The following RBBP6 variants were observed in gnomAD, a reference collection of about 807,000 sequenced individuals.
RBBP6 encodes the protein E3 ubiquitin-protein ligase RBBP6.
RBBP6 carries 25 observed loss-of-function variants against 167.7 expected under a neutral mutation model. That is an observed-to-expected ratio of 0.15 (90% CI 0.11 to 0.21). RBBP6 has a LOEUF of 0.21. RBBP6 is among the 10% of genes least tolerant of loss of function. RBBP6 has a pLI of 1.00. For synonymous variants in RBBP6, 789 were observed against 735.8 expected (o/e 1.07, Z -1.17); for missense variants, 1,868 against 2,134.2 (o/e 0.88, Z 2.46).
At position 24,567,144 on chromosome 16, in the gene RBBP6, A is replaced by G. The variant is rs756921386; in HGVS notation, c.1591A>G (p.Ser531Gly). ...IRRGERSCYR[S>G]INRGRHHSER... ...ATATCTTGGAATTTATTTTTCCAGA[A>G]GTATAAACCGTGGGCGACACCACAG... The change falls in exon 15 of 18, where the codon AGT becomes GGT. Residue 531 changes from serine (S) to glycine (G), a missense_variant and splice_region_variant. By Grantham distance (56) the Ser-to-Gly change is moderately conservative (BLOSUM62 0). Transcript: ENST00000319715. 10 of 1,609,374 alleles carry G rather than the reference A, an allele frequency of 6.2e-6. No homozygotes were observed. Among genetic ancestry groups the G allele is most frequent in the South Asian group, 2.2e-5 (2 of 90,962 alleles).
chr16:24,558,428 C>A, intron 7 of RBBP6: 1 of 947,806 alleles, frequency 1.1e-6, no homozygotes, highest in Non-Finnish European at 1.3e-6. Context: ...CAGTGGGAGA[C>A]TCCTCTTTCA....
rs1899346399 is a variant in RBBP6, at chr16:24,571,795, A to G, written c.4729A>G (p.Arg1577Gly). 6.2e-7 allele frequency: 1 copy of G among 1,614,096 alleles called. No individual in the cohort carries two copies. The highest frequency in any genetic ancestry group is 8.5e-7 in the Non-Finnish European group (1 of 1,179,968). ...KDREKHVLEARNNKESSGNKL... is the reference protein window; with the variant it reads ...KDREKHVLEAGNNKESSGNKL... ...TCGTGAGAAGCATGTATTAGAAGCA[A>G]GGAACAATAAAGAGTCAAGTGGCAA... Residue 1577 changes from arginine (R) to glycine (G), a missense_variant, in exon 18 of 18, where the codon AGG becomes GGG. By Grantham distance (125) the Arg-to-Gly change is moderately radical. Around this residue, in one of 7 missense-constraint regions of RBBP6, gnomAD observed 591 missense variants for 540.5 expected, o/e 1.09. Transcript: ENST00000319715.
At chr16:24,546,704 C>T (rs568491794) in intron 2 of RBBP6, among the ~76,000 whole-genome samples, 5 of 152,236 alleles carry the variant, frequency 3.3e-5, no homozygotes, top group Admixed American at 3.3e-4. Flanking sequence ...GGCTGAGAGG[C>T]ATAAAGTATA....
intron 7 of RBBP6, 34 bp downstream of exon 7, chr16:24,556,481 C>T (rs371209858): frequency 6.3e-7 from 1 of 1,592,004 alleles, no homozygotes; most frequent in African/African-American, 1.3e-5. Context: ...CCTGTGGAGA[C>T]TCCAGTCAGT....
At chr16:24,541,368 T>A (rs1225093845) in intron 1 of RBBP6, among the ~76,000 whole-genome samples, 1 of 152,178 alleles carries the variant, frequency 6.6e-6, no homozygotes, top group African/African-American at 2.4e-5. Flanking sequence ...GTATTGGAAT[T>A]GTTTTTGGAT....
intron 10 of RBBP6, among the ~76,000 whole-genome samples, chr16:24,562,972 A>G (rs1279594193): frequency 6.6e-6 from 1 of 151,452 alleles, no homozygotes; most frequent in East Asian, 1.9e-4. Flanking sequence ...GATTTCTGTC[A>G]TAACTGTAGT....
At chr16:24,541,205 C>CAAAAAAAAAAAAAAAAAAAAA (rs933107246) in intron 1 of RBBP6, among the ~76,000 whole-genome samples, 1 of 79,268 alleles carries the variant, frequency 1.3e-5, no homozygotes, top group African/African-American at 5.4e-5. Context: ...AAAAAAAAAC[C>CAAAAAAAAAAAAAAAAAAAAA]AAAAAAACAA....
chr16:24,569,298 A>C lies in RBBP6; in HGVS notation c.2608A>C (p.Ile870Leu). The C allele has an allele frequency of 6.2e-7, 1 of 1,612,426 alleles. No individual in the cohort carries two copies. The highest frequency in any genetic ancestry group is 1.1e-5 in the South Asian group (1 of 90,826). The part of the protein sequence containing the change: ...FSPERFLPLN[I>L]RNSPFTRGRR... Reference sequence around the variant, plus strand: ...TCCAGAGAGATTTTTGCCACTTAACATCAGGAATTCTCCCTTCACAAGAGG... The same window carrying C: ...TCCAGAGAGATTTTTGCCACTTAACCTCAGGAATTCTCCCTTCACAAGAGG... Residue 870 changes from isoleucine to leucine, a missense_variant, in exon 17 of 18, where the codon ATC becomes CTC. By Grantham distance (5) the Ile-to-Leu change is conservative. Coordinates refer to ENST00000319715, the MANE Select transcript of RBBP6 (RefSeq NM_006910.5).
chr16:24,557,599 G>T (rs899764155), intron 7 of RBBP6, among the ~76,000 whole-genome samples: 1 of 151,742 alleles, frequency 6.6e-6, no homozygotes, highest in African/African-American at 2.4e-5. Flanking sequence ...TGGTTGCTCC[G>T]CCCCCAATTT....
Position 24,563,519 on chromosome 16 carries a change from G to A in RBBP6, c.1465+18G>A. The A allele has an allele frequency of 6.2e-7, 1 of 1,611,918 alleles. No homozygotes were observed. The highest frequency in any genetic ancestry group is 8.5e-7 in the Non-Finnish European group (1 of 1,178,912). On this transcript the variant is annotated intron_variant, in intron 12 of 17. Coordinates refer to ENST00000319715, the MANE Select transcript of RBBP6 (RefSeq NM_006910.5). ...CACAACTGGTGAGTAAGATCACTTT[G>A]GTTTAGACCTTTTTCCCTTTAAAAA...
chr16:24,569,969 T>A lies in RBBP6; in HGVS notation c.3279T>A (p.Ser1093=). 1 of 1,598,810 alleles carries A rather than the reference T, an allele frequency of 6.3e-7. No homozygotes were observed. The highest frequency in any genetic ancestry group is 2.2e-5 in the East Asian group (1 of 44,790). The stretch of plus-strand genomic sequence containing the variant: ...CTGGAACCCCCAGAAAAGCTCACTC[T>A]AAATCAGCAAAAGAACACCAAGAAA... ...KITGTPRKAH[S]KSAKEHQETK... The change falls in exon 17 of 18, where the codon TCT becomes TCA. Residue 1093 remains serine (S), a synonymous_variant. Transcript: ENST00000319715.
At position 24,570,034 on chromosome 16, in the gene RBBP6, C is replaced by T; in HGVS notation, c.3344C>T (p.Ser1115Phe). 1 of 1,606,660 alleles carries T rather than the reference C, an allele frequency of 6.2e-7. No individual in the cohort carries two copies. The highest frequency in any genetic ancestry group is 8.5e-7 in the Non-Finnish European group (1 of 1,178,436). ...GAGGAAAAAGTGAAGAAGGACTATT[C>T]CAAAGATGTCAAATCAGAAAAGCTA... ...VKEEKVKKDY[S>F]KDVKSEKLTT... Residue 1115 changes from serine to phenylalanine, a missense_variant, in exon 17 of 18, where the codon TCC becomes TTC. By Grantham distance (155) the Ser-to-Phe change is radical. Around this residue, in one of 7 missense-constraint regions of RBBP6, gnomAD observed 673 missense variants for 691.5 expected, o/e 0.97. Transcript: ENST00000319715.
intron 2 of RBBP6, 24 bp from the exon 3 acceptor site, chr16:24,548,918 AATT>A: frequency 1.3e-6 from 2 of 1,571,760 alleles, no homozygotes; most frequent in Non-Finnish European, 1.7e-6. Context: ...AGCTAATGTT[AATT>A]TTTGTTTTTA....
chr16:24,555,851 T>C lies in RBBP6; in HGVS notation c.468T>C (p.Pro156=), dbSNP rs777871571. ...NYMKKPLGPP[P]PSYTCFRCGK... ...TGAAGAAACCTCTAGGTCCACCACC[T>C]CCATCTTACACGTGTTTCCGTTGTG... Residue 156 remains proline (P), a synonymous_variant, in exon 6 of 18, where the codon CCT becomes CCC. Coordinates refer to ENST00000319715, the MANE Select transcript of RBBP6 (RefSeq NM_006910.5). The C allele has an allele frequency of 1.9e-6, 3 of 1,610,862 alleles. No homozygotes were observed. The South Asian group carries it at 3.3e-5, about 18-fold the overall frequency.
chr16:24,570,691 G>A lies in RBBP6; in HGVS notation c.3810-185G>A, dbSNP rs929642867. On this transcript the variant is annotated intron_variant, in intron 17 of 17. Coordinates refer to ENST00000319715, the MANE Select transcript of RBBP6 (RefSeq NM_006910.5). ...GGTTGTAAATAGATTTTGGGGGTGA[G>A]CCACATTTGTGTTGATACAATCATA... 3.3e-5 allele frequency among the ~76,000 whole-genome samples: 5 copies of A among 152,110 alleles called. No individual in the cohort carries two copies. The East Asian group carries it at 9.6e-4, about 29-fold the overall frequency.
At chr16:24,550,003 C>T (rs985329887) in intron 3 of RBBP6, among the ~76,000 whole-genome samples, 3 of 151,946 alleles carry the variant, frequency 2.0e-5, no homozygotes, top group Non-Finnish European at 4.4e-5. Flanking sequence ...TGTTTCATAA[C>T]ACAGGTCTAT....
chr16:24,545,142 A>G (rs957765458), intron 1 of RBBP6, among the ~76,000 whole-genome samples: 13 of 152,078 alleles, frequency 8.5e-5, no homozygotes, highest in Non-Finnish European at 1.9e-4. Context: ...CAGTGGCGCG[A>G]TCTCGGCTCA....
Position 24,570,268 on chromosome 16 carries a change from G to A in RBBP6, c.3578G>A (p.Arg1193Lys), listed in dbSNP as rs1899294086. The A allele has an allele frequency of 6.2e-7, 1 of 1,612,454 alleles. No individual in the cohort carries two copies. Among genetic ancestry groups the A allele is most frequent in the Middle Eastern group, 1.7e-4 (1 of 6,060 alleles). ...GAACCTGATACTGAAAAAATGGATA[G>A]GACCCCTGAAAAGGACAAAATTTCT... ...KMEPDTEKMD[R>K]TPEKDKISLS... Residue 1193 changes from arginine to lysine, a missense_variant, in exon 17 of 18, where the codon AGG (arginine) becomes AAG (lysine). By Grantham distance (26) the Arg-to-Lys change is conservative. Transcript: ENST00000319715.
At chr16:24,548,552 C>T (rs1184674794) in intron 2 of RBBP6, among the ~76,000 whole-genome samples, 1 of 152,096 alleles carries the variant, frequency 6.6e-6, no homozygotes, top group African/African-American at 2.4e-5. Flanking sequence ...TTAACAACAG[C>T]AGTCTTCCTG....
Sources: gnomAD v4.1 joint callset for allele counts (sites outside exome capture counted in the v4.1 genomes callset) on GRCh38, gnomAD v4.1.1 for gene constraint, gnomAD v4.1.1 regional missense constraint, MANE v1.5 for transcripts, NCBI Gene and HGNC (gene_info 2026-07-23, HGNC 2026-07-21) for gene names.